PARP8: variants seen among roughly 807,000 people sequenced by gnomAD.
The protein encoded by PARP8 is protein mono-ADP-ribosyltransferase PARP8.
Under a neutral mutation model 124.1 loss-of-function variants are expected in PARP8, and 51 were observed. The ratio of observed to expected loss-of-function variants is 0.41; its 90% confidence interval spans 0.33 to 0.52. The LOEUF (loss-of-function observed/expected upper bound fraction) is 0.52, where lower values mean the gene tolerates loss of function less well. Among genes scored for constraint, PARP8 ranks in the 20% least tolerant of loss-of-function variants. PARP8 has a pLI of 0.21. For missense variants in PARP8, 860 were observed against 1,018.9 expected, an observed-to-expected ratio of 0.84 and a Z score of 2.12; for synonymous variants, 391 against 361.5, an observed-to-expected ratio of 1.08 and a Z score of -0.93.
chr5:50,757,342 C>T (rs1760079447), intron 3 of PARP8: 1 of 319,082 alleles, frequency 3.1e-6, no homozygotes, highest in African/African-American at 2.2e-5. Context: ...GAACAGAGTG[C>T]TTTGAATTCA....
intron 2 of PARP8, among the ~76,000 whole-genome samples, chr5:50,689,651 T>C (rs1752279778): frequency 6.6e-6 from 1 of 152,206 alleles, no homozygotes; most frequent in Non-Finnish European, 1.5e-5. Context: ...AAAGGAATAT[T>C]TGGGGAACGT....
At chr5:50,794,434 T>G (rs1742294485) in intron 11 of PARP8, 102 bp downstream of exon 11, 8 of 1,356,470 alleles carry the variant, frequency 5.9e-6, no homozygotes, top group Non-Finnish European at 8.0e-6. Context: ...CTGTTTATTT[T>G]CTTTATAACC....
intron 2 of PARP8, among the ~76,000 whole-genome samples, chr5:50,741,041 T>A (rs913793858): frequency 6.6e-6 from 1 of 152,162 alleles, no homozygotes; most frequent in Non-Finnish European, 1.5e-5. Context: ...GCTGTGCAGA[T>A]CATTTATAGC....
At chr5:50,828,994 A>C (rs1410665068) in intron 21 of PARP8, among the ~76,000 whole-genome samples, 2 of 152,224 alleles carry the variant, frequency 1.3e-5, no homozygotes, top group Non-Finnish European at 2.9e-5. Flanking sequence ...ATTATCATGC[A>C]CAAAGTAAAA....
chr5:50,779,107 T>C (rs1740366053), intron 9 of PARP8, among the ~76,000 whole-genome samples: 1 of 152,140 alleles, frequency 6.6e-6, no homozygotes, highest in African/African-American at 2.4e-5. Flanking sequence ...GATAGCTGTT[T>C]ACAACAAAGG....
intron 23 of PARP8, 92 bp from the exon 24 acceptor site, chr5:50,833,887 C>A: frequency 2.2e-6 from 2 of 919,750 alleles, no homozygotes; most frequent in Non-Finnish European, 3.4e-6. Flanking sequence ...GACCTGGAGC[C>A]ATCTTAGTGA....
At chr5:50,726,924 G>A (rs1272969364) in intron 2 of PARP8, among the ~76,000 whole-genome samples, 1 of 152,022 alleles carries the variant, frequency 6.6e-6, no homozygotes. Context: ...AATTCTTTTT[G>A]TGGAAATAAC....
intron 2 of PARP8, among the ~76,000 whole-genome samples, chr5:50,715,306 C>T (rs1755189334): frequency 6.6e-6 from 1 of 152,084 alleles, no homozygotes; most frequent in South Asian, 2.1e-4. Context: ...CTCCTCCACA[C>T]TCTGTCAAAA....
intron 7 of PARP8, among the ~76,000 whole-genome samples, chr5:50,769,043 A>C (rs1351700958): frequency 6.6e-6 from 1 of 152,180 alleles, no homozygotes; most frequent in Admixed American, 6.5e-5. Flanking sequence ...TGCTATGTTG[A>C]AGAAGAGGAA....
intron 1 of PARP8, chr5:50,667,425 G>A: frequency 1.4e-6 from 1 of 701,656 alleles, no homozygotes; most frequent in Non-Finnish European, 2.6e-6. Context: ...GAGCCCGCGT[G>A]GCCGGAGCGG....
chr5:50,695,610 T>G (rs975133594), intron 2 of PARP8, among the ~76,000 whole-genome samples: 2 of 152,236 alleles, frequency 1.3e-5, no homozygotes, highest in African/African-American at 2.4e-5. Flanking sequence ...ATCCTGTGAT[T>G]ATTTTTCGAT....
At chr5:50,706,268 G>A (rs776492474) in intron 2 of PARP8, among the ~76,000 whole-genome samples, 12 of 151,718 alleles carry the variant, frequency 7.9e-5, no homozygotes, top group Middle Eastern at 3.4e-3. Flanking sequence ...TTTCTGTGAC[G>A]TTTCATATGC....
chr5:50,738,783 G>A (rs1464517639), intron 2 of PARP8, among the ~76,000 whole-genome samples: 9 of 151,872 alleles, frequency 5.9e-5, no homozygotes, highest in Non-Finnish European at 8.8e-5. Flanking sequence ...ACAAACTTGT[G>A]TTGAGTTGCA....
intron 9 of PARP8, among the ~76,000 whole-genome samples, chr5:50,781,715 G>A (rs1337288442): frequency 6.6e-6 from 1 of 152,110 alleles, no homozygotes; most frequent in African/African-American, 2.4e-5. Context: ...TAAGTACTTG[G>A]CAGTTTTTTT....
At chr5:50,759,074 T>A (rs1376447439) in intron 3 of PARP8, among the ~76,000 whole-genome samples, 2 of 152,100 alleles carry the variant, frequency 1.3e-5, no homozygotes, top group Non-Finnish European at 2.9e-5. Context: ...TGATAATGAA[T>A]CTTTCCTTAT....
intron 2 of PARP8, among the ~76,000 whole-genome samples, chr5:50,747,760 G>GTTTT (rs1580187232): frequency 3.4e-5 from 3 of 87,858 alleles, no homozygotes; most frequent in African/African-American, 1.4e-4. Context: ...GATAGACCTT[G>GTTTT]CTTTTTTTTT....
chr5:50,724,814 A>G (rs1274929030), intron 2 of PARP8, among the ~76,000 whole-genome samples: 1 of 151,808 alleles, frequency 6.6e-6, no homozygotes, highest in Non-Finnish European at 1.5e-5. Flanking sequence ...GGTAGTGTAC[A>G]TTGTACCTAC....
At chr5:50,814,504 AT>A (rs1170690697) in intron 14 of PARP8, among the ~76,000 whole-genome samples, 2 of 151,894 alleles carry the variant, frequency 1.3e-5, no homozygotes, top group Non-Finnish European at 2.9e-5. Context: ...ATATAGATTC[AT>A]TTTTTTTCCC....
At chr5:50,785,052 TTAA>T (rs1442954744) in intron 9 of PARP8, among the ~76,000 whole-genome samples, 2 of 151,750 alleles carry the variant, frequency 1.3e-5, no homozygotes, top group East Asian at 1.9e-4. Context: ...TACATTTATT[TTAA>T]TAATAATATG....
Sources: gnomAD v4.1 joint callset for allele counts (sites outside exome capture counted in the v4.1 genomes callset) on GRCh38, gnomAD v4.1.1 for gene constraint, MANE v1.5 for transcripts, NCBI Gene and HGNC (gene_info 2026-07-23, HGNC 2026-07-21) for gene names.